SYNJ2: variants seen among roughly 807,000 people sequenced by gnomAD.
The protein encoded by SYNJ2 is synaptojanin 2.
A neutral mutation model predicts 141.3 loss-of-function variants in SYNJ2; 116 were observed. The observed-to-expected ratio is 0.82, with a 90% confidence interval of 0.71 to 0.96. SYNJ2 has a LOEUF of 0.96. Ranked by LOEUF, SYNJ2 falls within the 40% of genes least tolerant of loss-of-function variation. The probability of loss-of-function intolerance (pLI) is 0.00; values close to 1 mark genes in which losing one functional copy is unlikely to be tolerated. For missense variants in SYNJ2, 1,873 were observed against 1,934.8 expected (o/e 0.97, Z 0.60); for synonymous variants, 745 against 777.7 (o/e 0.96, Z 0.70).
chr6:158,077,000 C>CTT (rs111687160), intron 17 of SYNJ2, among the ~76,000 whole-genome samples: 1,873 of 145,038 alleles, frequency 0.013, 50 homozygotes, highest in African/African-American at 0.044. Flanking sequence ...CTTTTCTTTT[C>CTT]TTTTTTTTTT....
intron 2 of SYNJ2, among the ~76,000 whole-genome samples, chr6:158,025,824 T>A (rs1237770925): frequency 1.3e-5 from 2 of 152,114 alleles, no homozygotes; most frequent in Non-Finnish European, 2.9e-5. Flanking sequence ...TGGTGACGCA[T>A]GCTTGTAATC....
intron 4 of SYNJ2, among the ~76,000 whole-genome samples, chr6:158,037,526 T>C (rs546580473): frequency 3.8e-4 from 58 of 151,166 alleles, no homozygotes; most frequent in African/African-American, 1.2e-3. Context: ...CTCAGCCTCC[T>C]GAGTAGCTGG....
At chr6:158,055,807 A>G (rs966092688) in intron 6 of SYNJ2, among the ~76,000 whole-genome samples, 62 of 152,196 alleles carry the variant, frequency 4.1e-4, no homozygotes, top group African/African-American at 1.4e-3. Context: ...TTGTCATATG[A>G]GCCCAGATGT....
intron 1 of SYNJ2, among the ~76,000 whole-genome samples, chr6:157,983,137 C>A (rs867541628): frequency 2.3e-4 from 35 of 152,234 alleles, no homozygotes; most frequent in African/African-American, 8.4e-4. Flanking sequence ...GTAGATGCCT[C>A]TAGCCTTCTT....
chr6:158,091,141 C>T (rs1562409709), intron 25 of SYNJ2, among the ~76,000 whole-genome samples: 1 of 150,740 alleles, frequency 6.6e-6, no homozygotes, highest in South Asian at 2.1e-4. Flanking sequence ...CACGGTGAAA[C>T]CCCGTCTCTA....
chr6:157,988,796 G>A (rs1424983809), intron 1 of SYNJ2, among the ~76,000 whole-genome samples: 2 of 152,158 alleles, frequency 1.3e-5, no homozygotes, highest in East Asian at 3.9e-4. Context: ...CTGTCCTCGA[G>A]GTGAAAACCA....
chr6:157,990,927 T>C (rs995073872), intron 1 of SYNJ2, among the ~76,000 whole-genome samples: 2 of 143,786 alleles, frequency 1.4e-5, no homozygotes, highest in Non-Finnish European at 3.0e-5. Context: ...CTGCTCACGG[T>C]GGGTAAAACT....
intron 1 of SYNJ2, among the ~76,000 whole-genome samples, chr6:157,995,159 A>T (rs1777592795): frequency 6.6e-6 from 1 of 152,244 alleles, no homozygotes. Context: ...AGGCAATGAG[A>T]AAATATGATG....
At chr6:158,060,627 G>A (rs1254532086) in intron 7 of SYNJ2, among the ~76,000 whole-genome samples, 1 of 152,184 alleles carries the variant, frequency 6.6e-6, no homozygotes, top group Non-Finnish European at 1.5e-5. Context: ...TTGGTTTGTT[G>A]CTATTAGCAA....
chr6:158,046,774 G>A (rs1780257966), intron 5 of SYNJ2, among the ~76,000 whole-genome samples: 1 of 152,082 alleles, frequency 6.6e-6, no homozygotes, highest in Non-Finnish European at 1.5e-5. Flanking sequence ...TTTATAAATA[G>A]CCACATTGAA....
chr6:158,010,531 C>T (rs545982104), intron 1 of SYNJ2, among the ~76,000 whole-genome samples: 7 of 152,074 alleles, frequency 4.6e-5, no homozygotes, highest in Admixed American at 1.3e-4. Flanking sequence ...ACTGGAGAGA[C>T]GGTCAATGGG....
upstream of SYNJ2, among the ~76,000 whole-genome samples, chr6:157,981,547 G>A (rs1368253478): frequency 6.6e-6 from 1 of 152,182 alleles, no homozygotes; most frequent in African/African-American, 2.4e-5. This position sits in a 1 kb window ranked among gnomAD's most constrained non-coding sequence, Gnocchi z 6.4. Flanking sequence ...CTCCCGGGCC[G>A]GGCTGCCCAT....
At chr6:158,092,353 T>G (rs1237022683) in intron 25 of SYNJ2, among the ~76,000 whole-genome samples, 1 of 152,116 alleles carries the variant, frequency 6.6e-6, no homozygotes, top group Non-Finnish European at 1.5e-5. Flanking sequence ...CATGAAAACC[T>G]GGGACTGCTG....
intron 20 of SYNJ2, 91 bp downstream of exon 20, chr6:158,081,601 G>A: frequency 7.4e-6 from 2 of 268,542 alleles, no homozygotes; most frequent in South Asian, 3.7e-5. Context: ...GCCCTGACCT[G>A]TGCCTTTTTT....
At chr6:158,095,581 GCTT>G in intron 26 of SYNJ2, 34 bp from the exon 27 acceptor site, 1 of 1,536,360 alleles carries the variant, frequency 6.5e-7, no homozygotes, top group Non-Finnish European at 8.7e-7. Flanking sequence ...CTAGTTATTG[GCTT>G]CTTATTTACA....
intron 4 of SYNJ2, among the ~76,000 whole-genome samples, chr6:158,042,673 G>A (rs1780013005): frequency 6.6e-6 from 1 of 152,250 alleles, no homozygotes. Flanking sequence ...ATGTCTTAAA[G>A]TGTACGGATC....
chr6:157,993,384 G>T (rs1280611658), intron 1 of SYNJ2, among the ~76,000 whole-genome samples: 2 of 152,132 alleles, frequency 1.3e-5, no homozygotes, highest in African/African-American at 2.4e-5. Flanking sequence ...CGGATTATTA[G>T]ATTTTTTTCC....
At chr6:158,005,796 G>A (rs1209331328) in intron 1 of SYNJ2, among the ~76,000 whole-genome samples, 6 of 151,584 alleles carry the variant, frequency 4.0e-5, no homozygotes, top group African/African-American at 4.9e-5. Flanking sequence ...TGATGGCCTC[G>A]TCCTCTCATT....
At chr6:158,045,526 ACTCTAGAGTGTTTTGGGGTG>A (rs1780192237) in intron 5 of SYNJ2, among the ~76,000 whole-genome samples, 1 of 151,430 alleles carries the variant, frequency 6.6e-6, no homozygotes, top group Non-Finnish European at 1.5e-5. Flanking sequence ...CGTCTGTCTG[ACTCTAGAGTGTTTTGGGGTG>A]CGCGGGAATA....
Sources: allele counts gnomAD v4.1 joint callset (sites outside exome capture counted in the v4.1 genomes callset), GRCh38; gene constraint gnomAD v4.1.1; non-coding constraint Gnocchi (gnomAD v3.1); transcripts MANE v1.5; gene names NCBI Gene and HGNC (gene_info 2026-07-23, HGNC 2026-07-21).